HEATR1: variants seen among roughly 807,000 people sequenced by gnomAD.
The protein encoded by HEATR1 is HEAT repeat-containing protein 1.
HEATR1 carries 77 observed loss-of-function variants against 248.2 expected under a neutral mutation model. The observed-to-expected ratio is 0.31, with a 90% CI of 0.26 to 0.37. The LOEUF (loss-of-function observed/expected upper bound fraction) is 0.37, where lower values mean the gene tolerates loss of function less well. HEATR1 is among the 10% of genes least tolerant of loss of function. The pLI, the probability that HEATR1 is intolerant of heterozygous loss-of-function variation, is 1.00. For missense variants in HEATR1, 2,420 were observed against 2,504.9 expected, an observed-to-expected ratio of 0.97 and a Z score of 0.72; for synonymous variants, 897 against 923.1, an observed-to-expected ratio of 0.97 and a Z score of 0.51.
chr1:236,564,647 C>T lies in HEATR1; in HGVS notation c.4450G>A (p.Ala1484Thr), dbSNP rs1176997174. The T allele has an allele frequency of 6.2e-7, 1 of 1,611,122 alleles. No individual in the cohort carries two copies. The highest frequency in any genetic ancestry group is 2.2e-5 in the East Asian group (1 of 44,832). The change falls in exon 32 of 45, where the codon GCA (alanine) becomes ACA (threonine). Residue 1484 changes from alanine (A) to threonine (T), a missense_variant. By Grantham distance (58) the Ala-to-Thr change is moderately conservative. Coordinates refer to ENST00000366582, the MANE Select transcript of HEATR1 (RefSeq NM_018072.6). ...PEEKEETIPKAVSFNKSESQE... is the reference protein window; with the variant it reads ...PEEKEETIPKTVSFNKSESQE... ...GATTCACTCTTATTAAATGACACTGCTTTGGGAATGGTTTCTGAAACAGCA... is the reference window on the plus strand; with the variant it reads ...GATTCACTCTTATTAAATGACACTGTTTTGGGAATGGTTTCTGAAACAGCA...
intron 17 of HEATR1, among the ~76,000 whole-genome samples, chr1:236,584,739 G>C (rs1663839667): frequency 6.6e-6 from 1 of 152,174 alleles, no homozygotes; most frequent in Non-Finnish European, 1.5e-5. Flanking sequence ...AGGTAGTTAG[G>C]TGTAGCTTGG....
Position 236,555,387 on chromosome 1 carries a change from A to G in HEATR1, c.5832T>C (p.Ala1944=), listed in dbSNP as rs1157539921. The change falls in exon 41 of 45, where the codon GCT becomes GCC. Residue 1944 remains alanine, a synonymous_variant. Coordinates refer to ENST00000366582, the MANE Select transcript of HEATR1 (RefSeq NM_018072.6). ...LTFYNLADCI[A]EKLKGLFTLF... is the part of the protein sequence containing the mutation. ...GAGTAAAAAGCCCTTTCAGCTTTTC[A>G]GCAATGCAATCTGCCAAGTTGTAAA... The G allele has an allele frequency of 2.5e-6, 4 of 1,614,252 alleles. No individual in the cohort carries two copies. The South Asian group carries it at 4.4e-5, about 18-fold the overall frequency.
At chr1:236,593,010 C>T (rs1258716760) in intron 9 of HEATR1, among the ~76,000 whole-genome samples, 3 of 152,154 alleles carry the variant, frequency 2.0e-5, no homozygotes, top group Non-Finnish European at 4.4e-5. Flanking sequence ...GCCTGACCAA[C>T]ATGGTGAAAC....
At chr1:236,556,288 C>T (rs969211039) in intron 37 of HEATR1, 30 bp from the exon 38 acceptor site, 2 of 1,610,364 alleles carry the variant, frequency 1.2e-6, no homozygotes, top group African/African-American at 2.7e-5. Context: ...GTGATCAGGG[C>T]CACTGCAGAT....
intron 3 of HEATR1, among the ~76,000 whole-genome samples, chr1:236,601,436 A>G (rs1276062827): frequency 6.6e-6 from 1 of 152,118 alleles, no homozygotes; most frequent in Non-Finnish European, 1.5e-5. Context: ...TCACACAGAC[A>G]GGTTTTACCA....
At chr1:236,604,175 G>A in intron 1 of HEATR1, 48 bp from the exon 2 acceptor site, 1 of 1,446,086 alleles carries the variant, frequency 6.9e-7, no homozygotes, top group Admixed American at 2.6e-5. Flanking sequence ...ATTATAAGGC[G>A]CCTCGTAAAC....
chr1:236,586,744 A>T (rs1663895795), intron 14 of HEATR1, among the ~76,000 whole-genome samples: 1 of 152,030 alleles, frequency 6.6e-6, no homozygotes, highest in Non-Finnish European at 1.5e-5. Context: ...TTAAAAAAAA[A>T]ATAATAATTT....
intron 22 of HEATR1, among the ~76,000 whole-genome samples, chr1:236,575,467 G>A (rs926101158): frequency 6.6e-6 from 1 of 152,164 alleles, no homozygotes; most frequent in African/African-American, 2.4e-5. Context: ...CTGCAACAGA[G>A]ACTGTGTGGC....
At chr1:236,593,246 T>C (rs1482056242) in intron 9 of HEATR1, among the ~76,000 whole-genome samples, 3 of 151,586 alleles carry the variant, frequency 2.0e-5, no homozygotes, top group Non-Finnish European at 2.9e-5. Context: ...TCCAATTTGC[T>C]CATGAGAACA....
intron 19 of HEATR1, among the ~76,000 whole-genome samples, chr1:236,581,736 G>C (rs920410073): frequency 2.0e-5 from 3 of 152,312 alleles, no homozygotes; most frequent in East Asian, 3.9e-4. Context: ...ATGCTGTAGA[G>C]AGAACAAGTC....
Position 236,553,653 on chromosome 1 carries a change from G to T in HEATR1, c.6165C>A (p.Ala2055=), listed in dbSNP as rs1271811788. ...LIPCIAQFSV[A]MADDSLWKPL... ...GTTTCCAAAGAGAGTCATCCGCCAT[G>T]GCCACCGAAAACTGTGCGATGCATG... Residue 2055 remains alanine (A), a synonymous_variant, in exon 43 of 45, where the codon GCC becomes GCA. Coordinates refer to ENST00000366582, the MANE Select transcript of HEATR1 (RefSeq NM_018072.6). 6.2e-7 allele frequency: 1 copy of T among 1,613,932 alleles called. No homozygotes were observed. The highest frequency in any genetic ancestry group is 8.5e-7 in the Non-Finnish European group (1 of 1,179,980).
Position 236,559,856 on chromosome 1 carries a change from C to T in HEATR1, c.4647-19G>A, listed in dbSNP as rs775335830. On this transcript the variant is annotated intron_variant, in intron 33 of 44. Coordinates refer to ENST00000366582, the MANE Select transcript of HEATR1 (RefSeq NM_018072.6). ...CAGCAACCTGAAACACAGAGGCTCG[C>T]TCAGCAAACGGCAGCTGAAGGCACT... 6.9e-6 allele frequency: 11 copies of T among 1,584,924 alleles called. No individual in the cohort carries two copies. Among genetic ancestry groups the T allele is most frequent in the East Asian group, 4.5e-5 (2 of 44,118 alleles).
chr1:236,584,930 A>G (rs1663844011), intron 17 of HEATR1, 95 bp downstream of exon 17: 2 of 1,060,690 alleles, frequency 1.9e-6, no homozygotes, highest in Admixed American at 2.6e-5. Context: ...CACAGACTCA[A>G]CATCTCGCCT....
chr1:236,591,360 C>T (rs918518046), intron 11 of HEATR1, among the ~76,000 whole-genome samples: 8 of 152,042 alleles, frequency 5.3e-5, no homozygotes, highest in Non-Finnish European at 7.4e-5. Context: ...AGTTCACTTA[C>T]GCAATTAGAC....
intron 20 of HEATR1, among the ~76,000 whole-genome samples, chr1:236,580,725 C>A (rs182721737): frequency 6.6e-6 from 1 of 151,808 alleles, no homozygotes; most frequent in African/African-American, 2.4e-5. Context: ...TCACGTTGTC[C>A]AAGCTGGTCT....
chr1:236,591,498 T>C (rs1281877858), intron 11 of HEATR1, among the ~76,000 whole-genome samples: 1 of 152,208 alleles, frequency 6.6e-6, no homozygotes, highest in Non-Finnish European at 1.5e-5. Context: ...TTTTTAAGGC[T>C]AAATATAAGA....
chr1:236,590,391 TA>T (rs1331557787), intron 12 of HEATR1, among the ~76,000 whole-genome samples: 1 of 152,120 alleles, frequency 6.6e-6, no homozygotes, highest in Admixed American at 6.5e-5. Flanking sequence ...CAAACTTGGC[TA>T]ATTTTTTATT....
intron 28 of HEATR1, among the ~76,000 whole-genome samples, chr1:236,569,667 C>CTTTACA (rs1243232421): frequency 6.6e-6 from 1 of 152,138 alleles, no homozygotes; most frequent in Non-Finnish European, 1.5e-5. Flanking sequence ...AAATTGGGAA[C>CTTTACA]TTTACAGGCT....
At chr1:236,577,186 CAT>C (rs112730417) in intron 20 of HEATR1, among the ~76,000 whole-genome samples, 10,274 of 152,232 alleles carry the variant, frequency 0.067, 505 homozygotes, top group East Asian at 0.14. Flanking sequence ...ACTGCTATCA[CAT>C]ATGAGCTGGA....
Sources: allele counts gnomAD v4.1 joint callset (sites outside exome capture counted in the v4.1 genomes callset), GRCh38; gene constraint gnomAD v4.1.1; transcripts MANE v1.5; gene names NCBI Gene and HGNC (gene_info 2026-07-23, HGNC 2026-07-21).